Variants in ACTN4 observed in about 807,000 individuals in gnomAD.
ACTN4 encodes actinin alpha 4.
Under a neutral mutation model 114.2 loss-of-function variants are expected in ACTN4, and 18 were observed. The observed-to-expected ratio is 0.16, with a 90% CI of 0.11 to 0.23. ACTN4 has a LOEUF of 0.23. Ranked by LOEUF, ACTN4 falls within the 10% of genes least tolerant of loss-of-function variation. The pLI, the probability that ACTN4 is intolerant of heterozygous loss-of-function variation, is 1.00. For synonymous variants in ACTN4, 515 were observed against 506.3 expected, an observed-to-expected ratio of 1.02 and a Z score of -0.23; for missense variants, 722 against 1,262.9, an observed-to-expected ratio of 0.57 and a Z score of 6.49.
rs200541372 is a variant in ACTN4, at chr19:38,718,116, G to A, written c.1291+42G>A. 18 of 1,573,590 alleles carry A rather than the reference G, an allele frequency of 1.1e-5. No individual in the cohort carries two copies. In the East Asian group the frequency reaches 2.3e-4, roughly 20 times the overall value. The stretch of plus-strand genomic sequence containing the variant: ...CCCCACTCTGCCCAGCCCCGCTCCC[G>A]TGCTCCCCTCCTGTCTCTCAGGCAT... On this transcript the variant is annotated intron_variant, in intron 11 of 20. Coordinates refer to ENST00000252699, the MANE Select transcript of ACTN4 (RefSeq NM_004924.6).
At position 38,663,213 on chromosome 19, in the gene ACTN4, A is replaced by G. The variant is rs530232240; in HGVS notation, c.162+15306A>G. On this transcript the variant is annotated intron_variant, in intron 1 of 20. Coordinates refer to ENST00000252699, the MANE Select transcript of ACTN4 (RefSeq NM_004924.6). ...GGTGTGAGCCACTGCGCCCGGCCAC[A>G]TTTTATAGCCAACCGGCTTCTTGTG... is the stretch of plus-strand genomic sequence containing the variant. 2.2e-4 allele frequency among the ~76,000 whole-genome samples: 33 copies of G among 152,244 alleles called. No homozygotes were observed. The East Asian group carries it at 4.3e-3, about 20-fold the overall frequency.
rs115496833 is a variant in ACTN4 at position 38,709,233 on chromosome 19, C to G, written c.652-162C>G. Among the ~76,000 whole-genome samples, 935 of 152,222 alleles carry G rather than the reference C, an allele frequency of 6.1e-3. 7 individuals are homozygous for G. The highest frequency in any genetic ancestry group is 0.022 in the African/African-American group (893 of 41,522). ...TGAGTGGGAATTGAATTTATCCAGGCGGTGCCCTCCCGCTCACACATCACA... is the reference window on the plus strand; with the variant it reads ...TGAGTGGGAATTGAATTTATCCAGGGGGTGCCCTCCCGCTCACACATCACA... On this transcript the variant is annotated intron_variant, in intron 6 of 20. Transcript: ENST00000252699.
At chr19:38,668,514 C>T (rs908627117) in intron 1 of ACTN4, among the ~76,000 whole-genome samples, 8 of 152,012 alleles carry the variant, frequency 5.3e-5, no homozygotes, top group Non-Finnish European at 1.2e-4. Flanking sequence ...GGTGATACCC[C>T]GTCTCTACTA....
rs1969391389 is a variant in ACTN4 at position 38,729,338 on chromosome 19, C to A, written c.2642C>A (p.Ala881Asp). The stretch of plus-strand genomic sequence containing the variant: ...CCCGACCAGGCCGAGTACTGCATCG[C>A]CCGCATGGCGCCATACCAGGGCCCT... ...LPPDQAEYCIARMAPYQGPDA... is the reference protein window; with the variant it reads ...LPPDQAEYCIDRMAPYQGPDA... Residue 881 changes from alanine (A) to aspartate (D), a missense_variant, in exon 21 of 21, where the codon GCC becomes GAC. Ala to Asp is a moderately radical substitution (Grantham distance 126, BLOSUM62 -2). Around this residue, in one of 3 missense-constraint regions of ACTN4, gnomAD observed 523 missense variants for 875.9 expected, o/e 0.60. Coordinates refer to ENST00000252699, the MANE Select transcript of ACTN4 (RefSeq NM_004924.6). 1 of 1,612,268 alleles carries A rather than the reference C, an allele frequency of 6.2e-7. No homozygotes were observed. The highest frequency in any genetic ancestry group is 8.5e-7 in the Non-Finnish European group (1 of 1,179,876).
At chr19:38,709,304 G>A (rs982834321) in intron 6 of ACTN4, 91 bp from the exon 7 acceptor site, 27 of 968,968 alleles carry the variant, frequency 2.8e-5, no homozygotes, top group Middle Eastern at 4.1e-4. Context: ...TCGCCCTCCC[G>A]GGTCTCTCCC....
At chr19:38,705,393 G>C (rs572447990) in intron 4 of ACTN4, among the ~76,000 whole-genome samples, 3 of 152,276 alleles carry the variant, frequency 2.0e-5, no homozygotes, top group African/African-American at 7.2e-5. Context: ...CCCCATCCTT[G>C]AAACTTGGCC....
intron 1 of ACTN4, among the ~76,000 whole-genome samples, chr19:38,652,545 C>A (rs972456044): frequency 6.6e-6 from 1 of 152,130 alleles, no homozygotes; most frequent in Admixed American, 6.5e-5. Flanking sequence ...TTTTGAAACA[C>A]CCTCCCTGGT....
intron 8 of ACTN4, chr19:38,711,438 A>G (rs912041346): frequency 2.7e-6 from 2 of 749,620 alleles, no homozygotes; most frequent in Non-Finnish European, 3.3e-6. Flanking sequence ...ACCGCTGGCC[A>G]TCTGTGGTTG....
intron 1 of ACTN4, among the ~76,000 whole-genome samples, chr19:38,698,175 G>A (rs1968154273): frequency 6.6e-6 from 1 of 152,126 alleles, no homozygotes; most frequent in Admixed American, 6.5e-5. Context: ...GGGAGGCACA[G>A]GGCCATCCAG....
At chr19:38,728,433 T>TCCTCCTCCTCCC in intron 19 of ACTN4, 1 of 963,396 alleles carries the variant, frequency 1.0e-6, no homozygotes, top group Non-Finnish European at 1.4e-6. Context: ...CTCCTCCTCC[T>TCCTCCTCCTCCC]CCTCCTCCTC....
intron 1 of ACTN4, among the ~76,000 whole-genome samples, chr19:38,661,206 A>C (rs1401751527): frequency 6.6e-6 from 1 of 152,152 alleles, no homozygotes; most frequent in Non-Finnish European, 1.5e-5. Flanking sequence ...CAGGAACCTC[A>C]TGCTTCCAGG....
At position 38,714,134 on chromosome 19, in the gene ACTN4, C is replaced by T. The variant is rs559298023; in HGVS notation, c.820-335C>T. On this transcript the variant is annotated intron_variant, in intron 8 of 20. Transcript: ENST00000252699. ...ACCTTCCCACCGGGAGAGACTCCTC[C>T]GCAGTCTTAGGTCCAACGCAGCCGA... is the stretch of plus-strand genomic sequence containing the variant. Among the ~76,000 whole-genome samples, 15 of 152,318 alleles carry T rather than the reference C, an allele frequency of 9.8e-5. No individual in the cohort carries two copies. In the East Asian group the frequency reaches 1.9e-3, roughly 20 times the overall value.
chr19:38,677,238 C>G (rs986100530), intron 1 of ACTN4, among the ~76,000 whole-genome samples: 12 of 152,202 alleles, frequency 7.9e-5, no homozygotes, highest in African/African-American at 2.9e-4. Flanking sequence ...ATCCTTGGCT[C>G]TCCCTCTCGA....
intron 1 of ACTN4, among the ~76,000 whole-genome samples, chr19:38,673,633 AT>A (rs1568690242): frequency 2.2e-4 from 11 of 48,894 alleles, no homozygotes; most frequent in Admixed American, 1.4e-3. Context: ...ATATTCATAT[AT>A]ATTTATATAT....
chr19:38,684,433 G>C (rs1435068719), intron 1 of ACTN4, among the ~76,000 whole-genome samples: 1 of 152,052 alleles, frequency 6.6e-6, no homozygotes, highest in Non-Finnish European at 1.5e-5. Context: ...GCCCCACCCT[G>C]GTCCCCCACC....
At chr19:38,664,830 G>A (rs568540527) in intron 1 of ACTN4, among the ~76,000 whole-genome samples, 6 of 152,302 alleles carry the variant, frequency 3.9e-5, no homozygotes, top group African/African-American at 1.2e-4. Context: ...AGGTGGACAT[G>A]TTTTGAGAAG....
At chr19:38,655,665 G>T (rs1976692524) in intron 1 of ACTN4, among the ~76,000 whole-genome samples, 2 of 152,104 alleles carry the variant, frequency 1.3e-5, no homozygotes, top group Admixed American at 1.3e-4. Flanking sequence ...TCAGTTTCAA[G>T]TGTTAGTGCT....
intron 1 of ACTN4, among the ~76,000 whole-genome samples, chr19:38,697,272 C>G (rs1036880117): frequency 6.6e-6 from 1 of 152,218 alleles, no homozygotes; most frequent in Non-Finnish European, 1.5e-5. Context: ...CAGAGGGTCT[C>G]CTGCCATCCC....
rs1568763107 is a variant in ACTN4 at position 38,731,272 on chromosome 19, T to G, written c.*1840T>G. ...CCAGTGGCCCACAGGGAACCCACCT[T>G]GGCATTGCATCCCCACCCCACCTCC... On this transcript the variant is annotated 3_prime_UTR_variant, in exon 21 of 21. Coordinates refer to ENST00000252699, the MANE Select transcript of ACTN4 (RefSeq NM_004924.6). The G allele has an allele frequency of 7.0e-7, 1 of 1,437,694 alleles. No homozygotes were observed. Among genetic ancestry groups the G allele is most frequent in the South Asian group, 1.1e-5 (1 of 87,534 alleles). The allele number at this position is 1,437,694 out of a possible 1,614,324, so 89.1% of individuals were successfully genotyped here.
Sources: allele counts gnomAD v4.1 joint callset (sites outside exome capture counted in the v4.1 genomes callset), GRCh38; gene constraint gnomAD v4.1.1; regional missense constraint gnomAD v4.1.1; transcripts MANE v1.5; gene names NCBI Gene and HGNC (gene_info 2026-07-23, HGNC 2026-07-21).